The following DOCK10 variants were observed in gnomAD, a reference collection of about 807,000 sequenced individuals.
DOCK10 encodes the protein dedicator of cytokinesis protein 10.
DOCK10 carries 145 observed loss-of-function variants against 280.1 expected under a neutral mutation model. The ratio of observed to expected loss-of-function variants is 0.52; its 90% confidence interval spans 0.45 to 0.59. DOCK10 has a LOEUF of 0.59. Ranked by LOEUF, DOCK10 falls within the 20% of genes least tolerant of loss-of-function variation. DOCK10 has a pLI of 0.00. For missense variants in DOCK10, 2,368 were observed against 2,651.7 expected, an observed-to-expected ratio of 0.89 and a Z score of 2.35; for synonymous variants, 915 against 942.2, an observed-to-expected ratio of 0.97 and a Z score of 0.53.
intron 39 of DOCK10, among the ~76,000 whole-genome samples, chr2:224,803,292 T>C (rs898068553): frequency 2.0e-5 from 3 of 152,154 alleles, no homozygotes; most frequent in African/African-American, 4.8e-5. Context: ...ATTACATTTT[T>C]TTTCATTTAC....
chr2:224,786,971 A>T lies in DOCK10; in HGVS notation c.5655+51T>A. On this transcript the variant is annotated intron_variant, in intron 50 of 55. Coordinates refer to ENST00000258390, the MANE Select transcript of DOCK10 (RefSeq NM_014689.3). This position sits in a 1 kb window ranked among gnomAD's most constrained non-coding sequence, Gnocchi z 4.7. ...TGTCTCATAAAGAATGAAAGACAAC[A>T]TTCAACTGCTCAGCAGAATTTATGG... is the stretch of plus-strand genomic sequence containing the variant. The T allele has an allele frequency of 7.4e-7, 1 of 1,344,152 alleles. No individual in the cohort carries two copies. Among genetic ancestry groups the T allele is most frequent in the Non-Finnish European group, 1.1e-6 (1 of 933,772 alleles). The allele number at this position is 1,344,152 out of a possible 1,614,324, so 83.3% of individuals were successfully genotyped here.
chr2:225,018,301 G>A (rs1315499237), intron 1 of DOCK10, among the ~76,000 whole-genome samples: 1 of 151,514 alleles, frequency 6.6e-6, no homozygotes, highest in Non-Finnish European at 1.5e-5. Flanking sequence ...CTAACCCAGG[G>A]GTAGGTATGG....
chr2:224,923,753 C>G (rs1701903997), intron 2 of DOCK10, among the ~76,000 whole-genome samples: 1 of 152,232 alleles, frequency 6.6e-6, no homozygotes, highest in African/African-American at 2.4e-5. Context: ...AAGTCTTTTT[C>G]TTTCCTCATT....
At chr2:224,943,006 T>A (rs1703180634) in intron 1 of DOCK10, among the ~76,000 whole-genome samples, 1 of 152,154 alleles carries the variant, frequency 6.6e-6, no homozygotes, top group South Asian at 2.1e-4. Context: ...AGGAAGGAAA[T>A]GATCTCTTTA....
At chr2:225,027,830 A>G (rs1689958159) in intron 1 of DOCK10, among the ~76,000 whole-genome samples, 1 of 152,202 alleles carries the variant, frequency 6.6e-6, no homozygotes, top group Admixed American at 6.5e-5. Context: ...GACTAACACA[A>G]TCCTCATAAG....
At chr2:224,839,751 A>T (rs1451991173) in intron 24 of DOCK10, among the ~76,000 whole-genome samples, 1 of 152,220 alleles carries the variant, frequency 6.6e-6, no homozygotes, top group Non-Finnish European at 1.5e-5. Flanking sequence ...TTAATTTAAA[A>T]ATCAAAGAAA....
intron 4 of DOCK10, among the ~76,000 whole-genome samples, chr2:224,889,248 A>C (rs948502187): frequency 6.6e-6 from 1 of 152,212 alleles, no homozygotes; most frequent in Non-Finnish European, 1.5e-5. Flanking sequence ...AGTATGCATA[A>C]AATTGCTATT....
At chr2:224,911,870 T>C (rs1390767398) in intron 3 of DOCK10, among the ~76,000 whole-genome samples, 2 of 152,164 alleles carry the variant, frequency 1.3e-5, no homozygotes, top group Non-Finnish European at 2.9e-5. Flanking sequence ...CAACTGATAA[T>C]GGACTATGTT....
At chr2:224,901,013 T>C (rs947615128) in intron 3 of DOCK10, among the ~76,000 whole-genome samples, 1 of 152,208 alleles carries the variant, frequency 6.6e-6, no homozygotes, top group Admixed American at 6.5e-5. Context: ...CTAAGAATGC[T>C]TCTAAATCTG....
intron 4 of DOCK10, among the ~76,000 whole-genome samples, chr2:224,894,005 A>C (rs1699849023): frequency 6.6e-6 from 1 of 152,182 alleles, no homozygotes; most frequent in Non-Finnish European, 1.5e-5. Context: ...GTTCTGGGGT[A>C]TATCTGAAAG....
intron 1 of DOCK10, among the ~76,000 whole-genome samples, chr2:224,940,776 T>G (rs1274954276): frequency 1.3e-5 from 2 of 152,190 alleles, no homozygotes; most frequent in Non-Finnish European, 2.9e-5. Context: ...ACTATAATTT[T>G]GCTCTCTGTA....
intron 3 of DOCK10, among the ~76,000 whole-genome samples, chr2:224,908,396 A>G (rs368902049): frequency 1.4e-3 from 183 of 135,016 alleles, no homozygotes; most frequent in African/African-American, 5.1e-3. Flanking sequence ...GGATGAAGAC[A>G]GTACATAATC....
At chr2:224,929,068 C>T (rs762243389) in intron 2 of DOCK10, among the ~76,000 whole-genome samples, 4 of 152,158 alleles carry the variant, frequency 2.6e-5, no homozygotes, top group South Asian at 2.1e-4. Context: ...GCTTAAATGT[C>T]GCCTTCTTAG....
At chr2:224,898,064 A>G (rs1370115877) in intron 3 of DOCK10, among the ~76,000 whole-genome samples, 1 of 152,230 alleles carries the variant, frequency 6.6e-6, no homozygotes, top group African/African-American at 2.4e-5. Context: ...GTAAGCAAGA[A>G]GGGAATAGGT....
chr2:224,938,413 G>C (rs1044652045), intron 1 of DOCK10, among the ~76,000 whole-genome samples: 2 of 152,132 alleles, frequency 1.3e-5, no homozygotes, highest in Admixed American at 6.5e-5. Context: ...TACCAATAGA[G>C]TAGGCTCTAT....
chr2:224,783,680 G>C (rs1377909212), intron 50 of DOCK10, among the ~76,000 whole-genome samples: 1 of 152,030 alleles, frequency 6.6e-6, no homozygotes, highest in Non-Finnish European at 1.5e-5. Flanking sequence ...AATAAAGTTA[G>C]GTCATTTGCA....
intron 30 of DOCK10, among the ~76,000 whole-genome samples, chr2:224,815,204 C>T (rs1274620995): frequency 6.6e-6 from 1 of 152,164 alleles, no homozygotes; most frequent in African/African-American, 2.4e-5. Context: ...CTTTCTCTCT[C>T]CTGCCGCCAT....
At chr2:225,018,870 T>G (rs1689702845) in intron 1 of DOCK10, among the ~76,000 whole-genome samples, 1 of 146,998 alleles carries the variant, frequency 6.8e-6, no homozygotes, top group Non-Finnish European at 1.5e-5. Context: ...TGTATATACA[T>G]ATGTATATCA....
At chr2:224,802,702 A>G (rs1693100352) in intron 39 of DOCK10, among the ~76,000 whole-genome samples, 2 of 152,324 alleles carry the variant, frequency 1.3e-5, no homozygotes, top group South Asian at 4.1e-4. Flanking sequence ...AATATTTCCT[A>G]CTGCTGACTT....
Sources: allele counts gnomAD v4.1 joint callset (sites outside exome capture counted in the v4.1 genomes callset), GRCh38; gene constraint gnomAD v4.1.1; non-coding constraint Gnocchi (gnomAD v3.1); transcripts MANE v1.5; gene names NCBI Gene and HGNC (gene_info 2026-07-23, HGNC 2026-07-21).